Variants in MARCHF3 observed in about 807,000 individuals in gnomAD.
MARCHF3 encodes the protein membrane associated ring-CH-type finger 3.
A neutral mutation model predicts 24.2 loss-of-function variants in MARCHF3; 13 were observed. The observed-to-expected ratio is 0.54, with a 90% CI of 0.35 to 0.85. MARCHF3 has a LOEUF of 0.85. Among genes scored for constraint, MARCHF3 ranks in the 40% least tolerant of loss-of-function variants. MARCHF3 has a pLI of 0.01. For missense variants in MARCHF3, 276 were observed against 325.0 expected (o/e 0.85, Z 1.16); for synonymous variants, 144 against 137.3 (o/e 1.05, Z -0.34).
chr5:126,992,600 G>A (rs1013944959), intron 1 of MARCHF3, among the ~76,000 whole-genome samples: 4 of 152,076 alleles, frequency 2.6e-5, no homozygotes, highest in African/African-American at 7.2e-5. Flanking sequence ...AAATTACGTA[G>A]TACGTAGAGG....
intron 1 of MARCHF3, among the ~76,000 whole-genome samples, chr5:127,007,985 A>T (rs1229481577): frequency 6.6e-6 from 1 of 152,212 alleles, no homozygotes; most frequent in African/African-American, 2.4e-5. Context: ...TATGCTGAGG[A>T]AAACCTAGTC....
chr5:126,960,727 A>G (rs564697101), intron 1 of MARCHF3, among the ~76,000 whole-genome samples: 4 of 152,226 alleles, frequency 2.6e-5, no homozygotes, highest in African/African-American at 9.6e-5. Context: ...AGACATTCAC[A>G]GCAATGATAT....
intron 1 of MARCHF3, among the ~76,000 whole-genome samples, chr5:126,945,375 G>A (rs143794811): frequency 2.8e-4 from 42 of 152,348 alleles, no homozygotes; most frequent in African/African-American, 8.9e-4. Context: ...GAACCTGGGC[G>A]CATATAGGGA....
At position 126,869,897 on chromosome 5, in the gene MARCHF3, G is replaced by C. The variant is rs1478676041; in HGVS notation, c.*736C>G. 1.3e-5 allele frequency: 2 copies of C among 151,752 alleles called. No individual in the cohort carries two copies. Among genetic ancestry groups the C allele is most frequent in the Non-Finnish European group, 2.9e-5 (2 of 67,930 alleles). 9.4% of individuals were successfully genotyped at this position (151,752 alleles called of 1,614,324 possible). On this transcript the variant is annotated 3_prime_UTR_variant, in exon 5 of 5. Coordinates refer to ENST00000308660, the MANE Select transcript of MARCHF3 (RefSeq NM_178450.5). ...ACTGGATGTTTATTATTAGAAAATA[G>C]CTTCTATCAGCTGTCAGTACCAAAC...
intron 3 of MARCHF3, among the ~76,000 whole-genome samples, chr5:126,893,889 G>T (rs1486914092): frequency 2.7e-5 from 2 of 73,490 alleles, no homozygotes; most frequent in East Asian, 7.5e-4. Flanking sequence ...TGACAGTGGG[G>T]TGTTAAAGTC....
intron 3 of MARCHF3, among the ~76,000 whole-genome samples, chr5:126,904,216 T>C (rs1424541079): frequency 1.1e-4 from 16 of 148,622 alleles, no homozygotes; most frequent in African/African-American, 4.0e-4. Context: ...TCTATCATTG[T>C]TGGACATTTG....
intron 1 of MARCHF3, among the ~76,000 whole-genome samples, chr5:127,023,500 G>A (rs1752880642): frequency 6.6e-6 from 1 of 152,136 alleles, no homozygotes; most frequent in South Asian, 2.1e-4. Context: ...GGAAGCTGAG[G>A]TGGGCAGATC....
intron 3 of MARCHF3, among the ~76,000 whole-genome samples, chr5:126,903,758 C>T (rs1318546118): frequency 1.3e-5 from 2 of 152,142 alleles, no homozygotes; most frequent in African/African-American, 2.4e-5. Context: ...TTCAACTCTG[C>T]TCCCTATGGT....
intron 3 of MARCHF3, among the ~76,000 whole-genome samples, chr5:126,879,828 G>A (rs181906427): frequency 1.8e-4 from 28 of 152,284 alleles, no homozygotes; most frequent in African/African-American, 6.5e-4. Flanking sequence ...GGGTTGGGGT[G>A]AGGAGAGACA....
rs143213720 is a variant in MARCHF3, at chr5:126,919,031, C to T, written c.-56-804G>A. On this transcript the variant is annotated intron_variant, in intron 1 of 4. Transcript: ENST00000308660. ...CATCATAGGGAAACACATAGGAGAACGTGAGAAAATAATGAATGAGATCTC... is the reference window on the plus strand; with the variant it reads ...CATCATAGGGAAACACATAGGAGAATGTGAGAAAATAATGAATGAGATCTC... 4.1e-4 allele frequency among the ~76,000 whole-genome samples: 62 copies of T among 152,194 alleles called. No individual in the cohort carries two copies. In the East Asian group the frequency reaches 0.011, roughly 27 times the overall value.
chr5:126,916,692 G>GACACACACACACACACACACACACAC (rs34090036), intron 2 of MARCHF3, among the ~76,000 whole-genome samples: 6 of 130,478 alleles, frequency 4.6e-5, no homozygotes, highest in African/African-American at 9.6e-5. Flanking sequence ...CAGACAGACA[G>GACACACACACACACACACACACACAC]ACACACACAC....
intron 1 of MARCHF3, among the ~76,000 whole-genome samples, chr5:126,981,120 C>A (rs1309557849): frequency 6.6e-6 from 1 of 152,194 alleles, no homozygotes; most frequent in African/African-American, 2.4e-5. Flanking sequence ...AAATCTACAG[C>A]CTGCCTTTTC....
At chr5:127,006,495 T>C (rs749183585) in intron 1 of MARCHF3, among the ~76,000 whole-genome samples, 13 of 152,188 alleles carry the variant, frequency 8.5e-5, no homozygotes, top group Non-Finnish European at 1.8e-4. Context: ...TAGTTGTTAT[T>C]TTCTTTCTTA....
chr5:127,024,744 T>A (rs1235298618), intron 1 of MARCHF3, among the ~76,000 whole-genome samples: 1 of 152,218 alleles, frequency 6.6e-6, no homozygotes, highest in Non-Finnish European at 1.5e-5. Flanking sequence ...TCTGAAAAAG[T>A]ACCACATCTT....
Position 126,958,759 on chromosome 5 carries a change from C to T in MARCHF3, c.-56-40532G>A, listed in dbSNP as rs149616152. Among the ~76,000 whole-genome samples, 801 of 152,054 alleles carry T rather than the reference C, an allele frequency of 5.3e-3. 2 individuals carry two copies. The highest frequency in any genetic ancestry group is 0.01 in the Middle Eastern group (3 of 294). ...GCACACAGAGGAGACAAGTTGACAA[C>T]GGCCATTTGACTGATTTTTAAGTGT... On this transcript the variant is annotated intron_variant, in intron 1 of 4. Coordinates refer to ENST00000308660, the MANE Select transcript of MARCHF3 (RefSeq NM_178450.5).
intron 1 of MARCHF3, among the ~76,000 whole-genome samples, chr5:126,945,088 C>A (rs141630931): frequency 6.6e-6 from 1 of 152,202 alleles, no homozygotes; most frequent in Non-Finnish European, 1.5e-5. Flanking sequence ...TCCCCTCTAA[C>A]CCCTGTCATC....
chr5:126,888,403 TAC>T (rs1004115286), intron 3 of MARCHF3, among the ~76,000 whole-genome samples: 1 of 152,220 alleles, frequency 6.6e-6, no homozygotes, highest in Non-Finnish European at 1.5e-5. Flanking sequence ...AAACAAATGC[TAC>T]ACACACTCAC....
intron 2 of MARCHF3, among the ~76,000 whole-genome samples, chr5:126,916,684 G>GACACACACACACACACACACAC (rs1409013068): frequency 2.5e-4 from 23 of 93,508 alleles, no homozygotes; most frequent in African/African-American, 4.2e-4. Context: ...CTGACAGACA[G>GACACACACACACACACACACAC]ACAGACAGAC....
Position 126,869,165 on chromosome 5 carries a change from T to C in MARCHF3, c.*1468A>G, listed in dbSNP as rs1429750996. 3 of 152,244 alleles carry C rather than the reference T, an allele frequency of 2.0e-5. No individual in the cohort carries two copies. Among genetic ancestry groups the C allele is most frequent in the Non-Finnish European group, 4.4e-5 (3 of 68,044 alleles). 9.4% of individuals were successfully genotyped at this position (152,244 alleles called of 1,614,324 possible). A position where few individuals can be genotyped will look rare whatever the true frequency, so the allele number is the denominator to read the frequency against. On this transcript the variant is annotated 3_prime_UTR_variant, in exon 5 of 5. Coordinates refer to ENST00000308660, the MANE Select transcript of MARCHF3 (RefSeq NM_178450.5). The stretch of plus-strand genomic sequence containing the variant: ...TTGCAGACAAAAATCGCTACCCTCC[T>C]CGCTGCCTGTTCCTTTGCACTTCTC...
Sources: allele counts gnomAD v4.1 joint callset (sites outside exome capture counted in the v4.1 genomes callset), GRCh38; gene constraint gnomAD v4.1.1; transcripts MANE v1.5; gene names NCBI Gene and HGNC (gene_info 2026-07-23, HGNC 2026-07-21).